ACYP2: variants seen among roughly 807,000 people sequenced by gnomAD.
ACYP2 encodes acylphosphatase-2.
ACYP2 carries 12 observed loss-of-function variants against 11.2 expected under a neutral mutation model. The observed-to-expected ratio is 1.08, with a 90% CI of 0.69 to 1.74. The LOEUF is 1.74. Among genes scored for constraint, ACYP2 ranks in the 40% most tolerant of loss-of-function variants. The pLI, the probability that ACYP2 is intolerant of heterozygous loss-of-function variation, is 0.00. For missense variants in ACYP2, 134 were observed against 101.9 expected (o/e 1.31, Z -1.35); for synonymous variants, 43 against 32.2 (o/e 1.33, Z -1.13).
intron 4 of ACYP2, among the ~76,000 whole-genome samples, chr2:54,116,332 ACT>A (rs959743713): frequency 6.6e-6 from 1 of 152,022 alleles, no homozygotes; most frequent in Non-Finnish European, 1.5e-5. Context: ...ATATTAAGTC[ACT>A]CTGAGATTTA....
intron 6 of ACYP2, among the ~76,000 whole-genome samples, chr2:54,223,705 C>G (rs941866656): frequency 6.6e-6 from 1 of 152,124 alleles, no homozygotes; most frequent in South Asian, 2.1e-4. Flanking sequence ...AATCTGAGTA[C>G]AAATTGACCA....
At chr2:54,002,720 C>T (rs1019924866) in intron 2 of ACYP2, among the ~76,000 whole-genome samples, 1 of 149,908 alleles carries the variant, frequency 6.7e-6, no homozygotes, top group Non-Finnish European at 1.5e-5. Context: ...GGTGCGATTT[C>T]GGCTCACCAC....
chr2:54,107,434 T>G (rs977751149), intron 4 of ACYP2, among the ~76,000 whole-genome samples: 2 of 152,226 alleles, frequency 1.3e-5, no homozygotes, highest in Admixed American at 1.3e-4. Context: ...TGTTGAAAAT[T>G]TTAATGCTCC....
At chr2:54,049,994 C>T (rs61231824) in intron 2 of ACYP2, among the ~76,000 whole-genome samples, 9,707 of 152,250 alleles carry the variant, frequency 0.064, 424 homozygotes, top group East Asian at 0.26. Context: ...TGGGTGGACA[C>T]TGCTTCTAGG....
At chr2:54,067,632 A>T (rs1400278960) in intron 4 of ACYP2, among the ~76,000 whole-genome samples, 1 of 152,224 alleles carries the variant, frequency 6.6e-6, no homozygotes, top group East Asian at 1.9e-4. Context: ...ATTCATCTGT[A>T]AGGGGAAAAT....
chr2:54,066,734 G>A (rs1416523294), intron 4 of ACYP2, among the ~76,000 whole-genome samples: 4 of 152,168 alleles, frequency 2.6e-5, no homozygotes, highest in East Asian at 3.8e-4. Context: ...GTAGGGTGAG[G>A]AGTTAAAGAA....
intron 4 of ACYP2, among the ~76,000 whole-genome samples, chr2:54,132,596 TGTA>T (rs1308003820): frequency 2.6e-5 from 4 of 152,222 alleles, no homozygotes; most frequent in African/African-American, 9.6e-5. Context: ...GCTTAACTGC[TGTA>T]TGTAGAATCA....
chr2:53,989,300 T>TTC (rs1558455660), intron 2 of ACYP2, among the ~76,000 whole-genome samples: 11 of 147,154 alleles, frequency 7.5e-5, no homozygotes, highest in African/African-American at 2.8e-4. Context: ...TTTTTTTTTT[T>TTC]CACAGACAAG....
At chr2:53,975,414 C>G in intron 2 of ACYP2, 1 of 394,534 alleles carries the variant, frequency 2.5e-6, no homozygotes, top group South Asian at 1.4e-4. Context: ...GAAGACCTTT[C>G]TTTCGGGGAG....
intron 2 of ACYP2, among the ~76,000 whole-genome samples, chr2:54,009,067 T>TCTGG (rs2104534785): frequency 6.6e-6 from 1 of 151,070 alleles, no homozygotes; most frequent in African/African-American, 2.4e-5. Context: ...GCAGGAGAAT[T>TCTGG]GCTTGAATCT....
chr2:54,060,399 A>T (rs1012722356), intron 4 of ACYP2, among the ~76,000 whole-genome samples: 28 of 151,874 alleles, frequency 1.8e-4, no homozygotes, highest in African/African-American at 6.3e-4. Context: ...ATTCCTTTTT[A>T]AAAAATAATC....
intron 4 of ACYP2, among the ~76,000 whole-genome samples, chr2:54,064,857 G>A (rs914769559): frequency 2.0e-5 from 3 of 152,068 alleles, no homozygotes; most frequent in Non-Finnish European, 4.4e-5. Context: ...AGGCCGAAGC[G>A]GGCGGATCAC....
intron 6 of ACYP2, among the ~76,000 whole-genome samples, chr2:54,204,616 G>C (rs748208282): frequency 6.6e-6 from 1 of 152,072 alleles, no homozygotes; most frequent in Non-Finnish European, 1.5e-5. Flanking sequence ...TTTCTAGTTG[G>C]AGTTTAAAAC....
chr2:54,256,474 G>A (rs1281546562), intron 6 of ACYP2, among the ~76,000 whole-genome samples: 3 of 152,118 alleles, frequency 2.0e-5, no homozygotes, highest in Non-Finnish European at 4.4e-5. Flanking sequence ...TCTCTCTTGT[G>A]CAGTATCCGA....
At chr2:54,091,288 A>G (rs1185943306) in intron 4 of ACYP2, among the ~76,000 whole-genome samples, 1 of 152,190 alleles carries the variant, frequency 6.6e-6, no homozygotes, top group African/African-American at 2.4e-5. Flanking sequence ...AAGAAAGCTA[A>G]ATCCTCATTT....
chr2:54,213,859 C>T (rs1011507438), intron 6 of ACYP2, among the ~76,000 whole-genome samples: 1 of 152,068 alleles, frequency 6.6e-6, no homozygotes, highest in African/African-American at 2.4e-5. Context: ...CCTCAACCTC[C>T]CGGGCCCAAG....
chr2:54,129,466 C>G (rs1314168620), intron 4 of ACYP2, among the ~76,000 whole-genome samples: 1 of 151,958 alleles, frequency 6.6e-6, no homozygotes, highest in Non-Finnish European at 1.5e-5. Flanking sequence ...AGGATTTCAA[C>G]ATTTAGGATT....
At chr2:54,189,894 G>C (rs1016083034) in intron 6 of ACYP2, among the ~76,000 whole-genome samples, 1 of 152,074 alleles carries the variant, frequency 6.6e-6, no homozygotes, top group Non-Finnish European at 1.5e-5. Context: ...ATTATGGCCA[G>C]CCTAATGGGT....
chr2:54,116,982 G>A (rs1453225718), intron 4 of ACYP2, among the ~76,000 whole-genome samples: 1 of 152,142 alleles, frequency 6.6e-6, no homozygotes, highest in Non-Finnish European at 1.5e-5. Flanking sequence ...GGTGACTCAG[G>A]ATGGAGCAGG....
Sources: allele counts gnomAD v4.1 joint callset (sites outside exome capture counted in the v4.1 genomes callset), GRCh38; gene constraint gnomAD v4.1.1; transcripts MANE v1.5; gene names NCBI Gene and HGNC (gene_info 2026-07-23, HGNC 2026-07-21).